Variants in KRT82 observed in about 807,000 individuals in gnomAD.
KRT82 encodes the protein keratin, type II cuticular Hb2.
KRT82 carries 44 observed loss-of-function variants against 48.0 expected under a neutral mutation model. The observed-to-expected ratio is 0.92, with a 90% CI of 0.72 to 1.18. The LOEUF (loss-of-function observed/expected upper bound fraction) is 1.18. KRT82 is among the 50% of genes most tolerant of loss of function. KRT82 has a pLI of 0.00. For synonymous variants in KRT82, 297 were observed against 278.3 expected (o/e 1.07, Z -0.67); for missense variants, 701 against 671.4 (o/e 1.04, Z -0.49).
intron 4 of KRT82, 78 bp from the exon 5 acceptor site, chr12:52,400,227 C>G: frequency 6.9e-7 from 1 of 1,439,110 alleles, no homozygotes; most frequent in Middle Eastern, 1.8e-4. Flanking sequence ...CCCGTTCTGA[C>G]CTTCCCAGAG....
rs774317616 is a variant in KRT82 at position 52,403,899 on chromosome 12, A to G, written c.422T>C (p.Leu141Pro). 4.5e-5 allele frequency: 72 copies of G among 1,613,608 alleles called. No individual in the cohort carries two copies. Among genetic ancestry groups the G allele is most frequent in the Non-Finnish European group, 5.4e-5 (64 of 1,179,920 alleles). The stretch of plus-strand genomic sequence containing the variant: ...CTCCAGCAGCTTGTTCTTCTGCTCC[A>G]GGAAACGGACCTGCAGCCAAGAATG... ...FASFINKVRF[L>P]EQKNKLLETK... The change falls in exon 2 of 9, where the codon CTG becomes CCG. Residue 141 changes from leucine to proline, a missense_variant. Leu to Pro is a moderately conservative substitution (Grantham distance 98, BLOSUM62 -3). Coordinates refer to ENST00000257974, the MANE Select transcript of KRT82 (RefSeq NM_033033.4).
chr12:52,395,719 C>T (rs1939702920), intron 8 of KRT82, 40 bp downstream of exon 8: 23 of 1,527,360 alleles, frequency 1.5e-5, no homozygotes, highest in Non-Finnish European at 1.9e-5. Context: ...GATCAACCCC[C>T]AAGACTCCAG....
At position 52,394,857 on chromosome 12, in the gene KRT82, A is replaced by C. The variant is rs999990572; in HGVS notation, c.*118T>G. ...CTCAAGGAGGGAACACTGGAGGGGAATGTGGAGTCAATAAAGGGAGGTGGG... is the reference window on the plus strand; with the variant it reads ...CTCAAGGAGGGAACACTGGAGGGGACTGTGGAGTCAATAAAGGGAGGTGGG... On this transcript the variant is annotated 3_prime_UTR_variant, in exon 9 of 9. Transcript: ENST00000257974. The C allele has an allele frequency of 1.8e-5, 15 of 838,698 alleles. No homozygotes were observed. The highest frequency in any genetic ancestry group is 2.7e-5 in the Non-Finnish European group (14 of 509,128). 52.0% of individuals were successfully genotyped at this position (838,698 alleles called of 1,614,324 possible). A position where few individuals can be genotyped will look rare whatever the true frequency, so the allele number is the denominator to read the frequency against.
In KRT82 at chr12:52,394,879, T is replaced by A. The variant is rs1939688444; in HGVS notation, c.*96A>T. 4 of 1,030,904 alleles carry A rather than the reference T, an allele frequency of 3.9e-6. No homozygotes were observed. The highest frequency in any genetic ancestry group is 3.6e-5 in the Admixed American group (2 of 54,846). 63.9% of individuals were successfully genotyped at this position (1,030,904 alleles called of 1,614,324 possible). Reference sequence around the variant, plus strand: ...GGAATGTGGAGTCAATAAAGGGAGGTGGGGTTTTGGAACATCCTTGTCTTC... The same window carrying A: ...GGAATGTGGAGTCAATAAAGGGAGGAGGGGTTTTGGAACATCCTTGTCTTC... On this transcript the variant is annotated 3_prime_UTR_variant, in exon 9 of 9. Transcript: ENST00000257974.
chr12:52,397,503 G>A (rs1193423111), intron 5 of KRT82, among the ~76,000 whole-genome samples: 1 of 152,182 alleles, frequency 6.6e-6, no homozygotes, highest in Non-Finnish European at 1.5e-5. Context: ...GTCCTACCTT[G>A]AGGTAACACT....
At chr12:52,395,270 C>G in intron 8 of KRT82, 75 bp from the exon 9 acceptor site, 4 of 1,240,064 alleles carry the variant, frequency 3.2e-6, no homozygotes, top group Non-Finnish European at 4.6e-6. Context: ...ACTACTCAGC[C>G]AGGCCATTCC....
intron 5 of KRT82, among the ~76,000 whole-genome samples, chr12:52,399,392 C>G (rs1939756686): frequency 6.6e-6 from 1 of 152,234 alleles, no homozygotes; most frequent in South Asian, 2.1e-4. Flanking sequence ...GTGGTTGATG[C>G]TGAATACACA....
rs1427979239 is a variant in KRT82 at position 52,395,761 on chromosome 12, A to T, written c.1319T>A (p.Ile440Asn). ...RLCEGIGPVNISVSSSKGAFL... is the reference protein window; with the variant it reads ...RLCEGIGPVNNSVSSSKGAFL... The stretch of plus-strand genomic sequence containing the variant: ...TGGGGCATGGCTCATCTACTTACAG[A>T]TATTCACGGGCCCGATGCCTTCGCA... Residue 440 changes from isoleucine (I) to asparagine (N), a missense_variant and splice_region_variant, in exon 8 of 9, where the codon ATC becomes AAC. Physicochemically the swap from Ile to Asn is moderately radical, Grantham distance 149. Coordinates refer to ENST00000257974, the MANE Select transcript of KRT82 (RefSeq NM_033033.4). 1.3e-6 allele frequency: 2 copies of T among 1,556,716 alleles called. No homozygotes were observed. The highest frequency in any genetic ancestry group is 8.6e-7 in the Non-Finnish European group (1 of 1,156,386).
Position 52,406,036 on chromosome 12 carries a change from C to G in KRT82, c.242G>C (p.Arg81Pro). ...CGGTLPGFGY[R>P]LGATCGPSAC... ...AGAAGGCCCACAGGTGGCTCCCAGT[C>G]GGTACCCGAAGCCAGGCAGGGTACC... The change falls in exon 1 of 9, where the codon CGA becomes CCA. Residue 81 changes from arginine to proline, a missense_variant. By Grantham distance (103) the Arg-to-Pro change is moderately radical. Coordinates refer to ENST00000257974, the MANE Select transcript of KRT82 (RefSeq NM_033033.4). 1.2e-6 allele frequency: 2 copies of G among 1,614,198 alleles called. No homozygotes were observed. The highest frequency in any genetic ancestry group is 8.5e-7 in the Non-Finnish European group (1 of 1,180,044).
intron 2 of KRT82, chr12:52,402,192 T>C (rs748077829): frequency 3.3e-5 from 5 of 152,274 alleles, no homozygotes; most frequent in Non-Finnish European, 7.3e-5. Flanking sequence ...TCACATGCAT[T>C]AATACCTGAA....
intron 5 of KRT82, among the ~76,000 whole-genome samples, chr12:52,398,698 G>A (rs1939747390): frequency 6.6e-6 from 1 of 152,096 alleles, no homozygotes; most frequent in Admixed American, 6.5e-5. Flanking sequence ...TTCACCAGGA[G>A]CTGACTCCAT....
At chr12:52,399,422 A>C (rs980628078) in intron 5 of KRT82, among the ~76,000 whole-genome samples, 1 of 152,192 alleles carries the variant, frequency 6.6e-6, no homozygotes, top group Non-Finnish European at 1.5e-5. Context: ...GAGTGGACCA[A>C]TGAGTGCATG....
Position 52,406,066 on chromosome 12 carries a change from C to T in KRT82, c.212G>A (p.Cys71Tyr). The T allele has an allele frequency of 1.2e-6, 2 of 1,613,956 alleles. No individual in the cohort carries two copies. Among genetic ancestry groups the T allele is most frequent in the Non-Finnish European group, 1.7e-6 (2 of 1,179,958 alleles). ...GFGRPRVASRCGGTLPGFGYR... is the reference protein window; with the variant it reads ...GFGRPRVASRYGGTLPGFGYR... ...CCCGAAGCCAGGCAGGGTACCTCCA[C>T]ACCTGGAGGCTACCCGGGGCCTCCC... The change falls in exon 1 of 9, where the codon TGT becomes TAT. Residue 71 changes from cysteine to tyrosine, a missense_variant. Physicochemically the swap from Cys to Tyr is radical, Grantham distance 194 (BLOSUM62 -2). Transcript: ENST00000257974.
At chr12:52,401,479 C>A in intron 2 of KRT82, 130 bp from the exon 3 acceptor site, 1 of 800,972 alleles carries the variant, frequency 1.2e-6, no homozygotes, top group Non-Finnish European at 2.1e-6. Context: ...CAGGTCCAGC[C>A]CTGTCTTGGC....
Position 52,394,931 on chromosome 12 carries a change from GGCC to G in KRT82, c.*41_*43del. On this transcript the variant is annotated 3_prime_UTR_variant, in exon 9 of 9. Coordinates refer to ENST00000257974, the MANE Select transcript of KRT82 (RefSeq NM_033033.4). Reference sequence around the variant, plus strand: ...GCCCTGGTGGGAGTGTGACATCCAGGGCCATGGGGCAGGGGCTCTGTCTCCTGG... The same window carrying G: ...GCCCTGGTGGGAGTGTGACATCCAGGATGGGGCAGGGGCTCTGTCTCCTGG... The G allele has an allele frequency of 6.5e-7, 1 of 1,538,958 alleles. No individual in the cohort carries two copies. The highest frequency in any genetic ancestry group is 9.0e-7 in the Non-Finnish European group (1 of 1,112,738).
chr12:52,400,313 G>A (rs1280562025), intron 4 of KRT82, among the ~76,000 whole-genome samples, 164 bp from the exon 5 acceptor site: 1 of 152,252 alleles, frequency 6.6e-6, no homozygotes, highest in Admixed American at 6.5e-5. Flanking sequence ...CCCTCTGGTT[G>A]CCCAGAGCTT....
intron 5 of KRT82, among the ~76,000 whole-genome samples, chr12:52,399,556 C>G (rs987177244): frequency 6.6e-6 from 1 of 152,250 alleles, no homozygotes; most frequent in African/African-American, 2.4e-5. Context: ...CTGAGGCCAT[C>G]TTAATCACTG....
chr12:52,400,288 G>C, intron 4 of KRT82, 139 bp from the exon 5 acceptor site: 1 of 921,812 alleles, frequency 1.1e-6, no homozygotes, highest in East Asian at 2.6e-5. Context: ...GTCACCAACT[G>C]ACTCCTTGTC....
intron 1 of KRT82, among the ~76,000 whole-genome samples, chr12:52,404,766 C>T (rs1459141103): frequency 6.6e-6 from 1 of 152,230 alleles, no homozygotes; most frequent in Non-Finnish European, 1.5e-5. Context: ...ATAGCCAGAA[C>T]TTAATAAGCT....
Sources: gnomAD v4.1 joint callset for allele counts (sites outside exome capture counted in the v4.1 genomes callset) on GRCh38, gnomAD v4.1.1 for gene constraint, MANE v1.5 for transcripts, NCBI Gene and HGNC (gene_info 2026-07-23, HGNC 2026-07-21) for gene names.